The following TMEM182 variants were observed in gnomAD, a reference collection of about 807,000 sequenced individuals.
TMEM182 encodes transmembrane protein 182.
In TMEM182, 20 loss-of-function variants were observed where a neutral mutation model predicts 26.8. That is an observed-to-expected ratio of 0.75 (90% confidence interval 0.53 to 1.09). The LOEUF (loss-of-function observed/expected upper bound fraction) is 1.09. Ranked by LOEUF, TMEM182 falls within the 50% of genes least tolerant of loss-of-function variation. The pLI is 0.00. For missense variants in TMEM182, 277 were observed against 275.5 expected (o/e 1.01, Z -0.04); for synonymous variants, 109 against 102.2 (o/e 1.07, Z -0.40).
chr2:102,832,667 A>G (rs891329514), intron 3 of TMEM182, among the ~76,000 whole-genome samples: 1 of 152,220 alleles, frequency 6.6e-6, no homozygotes. Context: ...CAATAAGCGC[A>G]GGCTGTCACA....
chr2:102,767,163 T>C (rs997740071), intron 3 of TMEM182, among the ~76,000 whole-genome samples: 2 of 152,232 alleles, frequency 1.3e-5, no homozygotes, highest in African/African-American at 4.8e-5. Context: ...CAAATTAAAC[T>C]TACATTGGCT....
In TMEM182 at chr2:102,829,405, A is replaced by G. The variant is rs564193087; in HGVS notation, c.326-14007A>G. Among the ~76,000 whole-genome samples the G allele has an allele frequency of 8.5e-5, 13 of 152,324 alleles. No individual in the cohort carries two copies. The East Asian group carries it at 2.3e-3, about 27-fold the overall frequency. On this transcript the variant is annotated intron_variant, in intron 3 of 3. Transcript: ENST00000486293. The stretch of plus-strand genomic sequence containing the variant: ...AAGTTATGACCTATAGCCAATGGCT[A>G]AAGAAAGGTGGGTTGGGCAGTCAGG...
chr2:102,757,771 G>A (rs115083286), upstream of TMEM182, among the ~76,000 whole-genome samples: 302 of 152,238 alleles, frequency 2.0e-3, 1 homozygote, highest in African/African-American at 6.9e-3. Flanking sequence ...AAAAGGTTTA[G>A]TTGACTCACA....
chr2:102,757,930 G>T (rs944064437), upstream of TMEM182, among the ~76,000 whole-genome samples: 1 of 152,118 alleles, frequency 6.6e-6, no homozygotes, highest in Non-Finnish European at 1.5e-5. Flanking sequence ...AAAACTATCA[G>T]ATCTCATGAG....
Position 102,817,320 on chromosome 2 carries a change from T to C in TMEM182, c.*2352T>C. ...CTTTTTGAAAAATGTTGATTTTGCA[T>C]CATAAAGTTTCAATTTATCAAGGAT... On this transcript the variant is annotated 3_prime_UTR_variant, in exon 5 of 5. Coordinates refer to ENST00000412401, the MANE Select transcript of TMEM182 (RefSeq NM_144632.5). The C allele has an allele frequency of 1.0e-6, 1 of 985,446 alleles. No homozygotes were observed. Among genetic ancestry groups the C allele is most frequent in the African/African-American group, 1.7e-5 (1 of 57,376 alleles). 61.0% of individuals were successfully genotyped at this position (985,446 alleles called of 1,614,324 possible).
intron 1 of TMEM182, among the ~76,000 whole-genome samples, chr2:102,741,344 C>T (rs1005576865): frequency 6.6e-6 from 1 of 152,090 alleles, no homozygotes; most frequent in Non-Finnish European, 1.5e-5. Flanking sequence ...ATGGATGTTA[C>T]GTACAGAAGA....
chr2:102,768,536 A>AAAC (rs1558761010), intron 3 of TMEM182, among the ~76,000 whole-genome samples: 1 of 150,196 alleles, frequency 6.7e-6, no homozygotes. Context: ...AAAAAAAAAA[A>AAAC]ACACACACAA....
intron 3 of TMEM182, among the ~76,000 whole-genome samples, chr2:102,837,559 G>T (rs1277311937): frequency 1.9e-5 from 2 of 108,034 alleles, no homozygotes; most frequent in African/African-American, 7.2e-5. Context: ...GGTTCAGGGG[G>T]TCTGGGGGCT....
chr2:102,777,103 T>C (rs1022373431), intron 3 of TMEM182, among the ~76,000 whole-genome samples: 11 of 152,246 alleles, frequency 7.2e-5, no homozygotes, highest in African/African-American at 2.6e-4. Context: ...GGCTTTTCTT[T>C]ACATTTTCTT....
At chr2:102,755,655 C>T (rs1306808849) in intron 1 of TMEM182, among the ~76,000 whole-genome samples, 1 of 152,176 alleles carries the variant, frequency 6.6e-6, no homozygotes, top group East Asian at 1.9e-4. Context: ...CAGTAGTGCT[C>T]TGTAGAAATT....
intron 3 of TMEM182, among the ~76,000 whole-genome samples, chr2:102,764,866 A>G (rs1328920108): frequency 6.6e-6 from 1 of 151,320 alleles, no homozygotes; most frequent in Non-Finnish European, 1.5e-5. Flanking sequence ...TGATATAAAT[A>G]TGTAATTATG....
intron 3 of TMEM182, among the ~76,000 whole-genome samples, chr2:102,785,647 T>A (rs985555023): frequency 6.6e-6 from 1 of 152,200 alleles, no homozygotes; most frequent in Non-Finnish European, 1.5e-5. Context: ...AAATATCAAA[T>A]CATTTTAGTA....
chr2:102,751,761 G>A (rs1206161457), intron 1 of TMEM182, among the ~76,000 whole-genome samples: 1 of 152,074 alleles, frequency 6.6e-6, no homozygotes, highest in East Asian at 1.9e-4. Flanking sequence ...AACCCCTGAG[G>A]GCTCAAGCGA....
In TMEM182 at chr2:102,769,067, T is replaced by C. The variant is rs954177827; in HGVS notation, c.331+4640T>C. 8.5e-5 allele frequency among the ~76,000 whole-genome samples: 13 copies of C among 152,190 alleles called. 1 individual carries two copies. The highest frequency in any genetic ancestry group is 3.1e-4 in the African/African-American group (13 of 41,458). On this transcript the variant is annotated intron_variant, in intron 3 of 4. Transcript: ENST00000412401. ...GGGGTGGACAGTCACCTTCATGCTC[T>C]TTCATCCTCAGAAAAGAGGAAGTGC...
chr2:102,834,545 A>T (rs140310059), intron 3 of TMEM182: 2 of 524,416 alleles, frequency 3.8e-6, no homozygotes, highest in Non-Finnish European at 4.9e-6. Context: ...GTGCATATCC[A>T]TGAGAGTGTT....
At chr2:102,781,879 C>T (rs1681180280) in intron 3 of TMEM182, among the ~76,000 whole-genome samples, 1 of 152,104 alleles carries the variant, frequency 6.6e-6, no homozygotes, top group African/African-American at 2.4e-5. Flanking sequence ...TGCTTGGACT[C>T]CAGTGCTGGG....
intron 3 of TMEM182, among the ~76,000 whole-genome samples, chr2:102,832,467 C>A (rs377721573): frequency 6.6e-6 from 1 of 152,136 alleles, no homozygotes; most frequent in Non-Finnish European, 1.5e-5. Context: ...TCTTAAAGAA[C>A]GAAGATACTG....
rs372620580 is a variant in TMEM182, at chr2:102,794,277, C to T, written c.332-3586C>T. Among the ~76,000 whole-genome samples, 8 of 152,222 alleles carry T rather than the reference C, an allele frequency of 5.3e-5. No individual in the cohort carries two copies. In the East Asian group the frequency reaches 5.8e-4, roughly 11 times the overall value. On this transcript the variant is annotated intron_variant, in intron 3 of 4. Coordinates refer to ENST00000412401, the MANE Select transcript of TMEM182 (RefSeq NM_144632.5). ...GGTAAATACTCAGGTCACTCGGACT[C>T]CAACACCTATGTTTTTCTACTGTAT...
intron 4 of TMEM182, among the ~76,000 whole-genome samples, chr2:102,810,691 T>G (rs1221080048): frequency 6.6e-6 from 1 of 152,182 alleles, no homozygotes; most frequent in Non-Finnish European, 1.5e-5. Context: ...GGCTGGGTTT[T>G]GATTCTGCCT....
Sources: gnomAD v4.1 joint callset for allele counts (sites outside exome capture counted in the v4.1 genomes callset) on GRCh38, gnomAD v4.1.1 for gene constraint, MANE v1.5 for transcripts, NCBI Gene and HGNC (gene_info 2026-07-23, HGNC 2026-07-21) for gene names.